SAMD3: variants seen among roughly 807,000 people sequenced by gnomAD.
SAMD3 encodes sterile alpha motif domain containing 3, also known as sterile alpha motif domain-containing protein 3.
A neutral mutation model predicts 58.5 loss-of-function variants in SAMD3; 63 were observed. That is an observed-to-expected ratio of 1.08 (90% CI 0.88 to 1.33). The LOEUF (loss-of-function observed/expected upper bound fraction) is 1.33. Among genes scored for constraint, SAMD3 ranks in the 40% most tolerant of loss-of-function variants. SAMD3 has a pLI of 0.00. For missense variants in SAMD3, 604 were observed against 608.4 expected, an observed-to-expected ratio of 0.99 and a Z score of 0.08; for synonymous variants, 220 against 210.3, an observed-to-expected ratio of 1.05 and a Z score of -0.40.
intron 7 of SAMD3, among the ~76,000 whole-genome samples, chr6:130,178,382 G>GAA (rs578242227): frequency 0.04 from 5,681 of 141,886 alleles, 155 homozygotes; most frequent in Non-Finnish European, 0.062. Flanking sequence ...GCGGGGAAGG[G>GAA]AAAAAAAAAA....
chr6:130,344,245 T>C (rs539868658), intron 1 of SAMD3, among the ~76,000 whole-genome samples: 19 of 152,358 alleles, frequency 1.2e-4, no homozygotes, highest in Non-Finnish European at 1.9e-4. Context: ...CCCAGTGTTT[T>C]TCCTACATGT....
Position 130,146,156 on chromosome 6 carries a change from G to C in SAMD3, c.1049C>G (p.Thr350Arg). The C allele has an allele frequency of 6.3e-7, 1 of 1,586,844 alleles. No homozygotes were observed. The highest frequency in any genetic ancestry group is 8.6e-7 in the Non-Finnish European group (1 of 1,168,216). ...TGTTTTCTTATAAATATCTGTTCTT[G>C]TAAGAAGTTGGAATTCTCTGAACAT... The part of the protein sequence containing the change: ...YQMFREFQLL[T>R]RTDIYKKTRH... Residue 350 changes from threonine (T) to arginine (R), a missense_variant, in exon 10 of 12, where the codon ACA becomes AGA. Physicochemically the swap from Thr to Arg is moderately conservative, Grantham distance 71. Coordinates refer to ENST00000439090, the MANE Select transcript of SAMD3 (RefSeq NM_001017373.4).
intron 1 of SAMD3, among the ~76,000 whole-genome samples, chr6:130,217,355 A>T (rs1796058008): frequency 6.6e-6 from 1 of 152,214 alleles, no homozygotes; most frequent in South Asian, 2.1e-4. Context: ...AAACATACGA[A>T]AATATTTCAA....
At chr6:130,265,223 C>T (rs1774298048) in intron 2 of SAMD3, among the ~76,000 whole-genome samples, 1 of 152,234 alleles carries the variant, frequency 6.6e-6, no homozygotes, top group Non-Finnish European at 1.5e-5. Context: ...TTGAACATAA[C>T]TGTGTAGAGG....
chr6:130,148,027 A>G (rs900754794), intron 9 of SAMD3, among the ~76,000 whole-genome samples: 3 of 152,228 alleles, frequency 2.0e-5, no homozygotes, highest in African/African-American at 4.8e-5. Flanking sequence ...TTTTCCACGT[A>G]AAATTAATAT....
chr6:130,300,609 T>G (rs1775713436), intron 2 of SAMD3, among the ~76,000 whole-genome samples: 1 of 152,142 alleles, frequency 6.6e-6, no homozygotes, highest in Non-Finnish European at 1.5e-5. Context: ...TTCAACATAG[T>G]ACTGAAAGTT....
intron 2 of SAMD3, among the ~76,000 whole-genome samples, chr6:130,269,154 G>A (rs77067531): frequency 0.025 from 3,834 of 152,224 alleles, 67 homozygotes; most frequent in Non-Finnish European, 0.04. Flanking sequence ...TTAGGTTGAG[G>A]TTCTTTTATT....
At chr6:130,183,986 G>A (rs1792665941) in intron 7 of SAMD3, 117 bp downstream of exon 7, 13 of 710,048 alleles carry the variant, frequency 1.8e-5, no homozygotes, top group Admixed American at 1.5e-4. Context: ...GACAGAATGA[G>A]AGAGAGAGAG....
chr6:130,313,467 C>T (rs1776255689), intron 1 of SAMD3, among the ~76,000 whole-genome samples: 1 of 152,152 alleles, frequency 6.6e-6, no homozygotes, highest in Admixed American at 6.5e-5. Flanking sequence ...ACCACTGACT[C>T]CTTAAGGAAT....
At chr6:130,285,663 G>T (rs1849527) in intron 2 of SAMD3, among the ~76,000 whole-genome samples, 47,126 of 152,104 alleles carry the variant, frequency 0.31, 7,556 homozygotes, top group East Asian at 0.47. Flanking sequence ...CGATAAGCAT[G>T]TATTTTGTAA....
intron 1 of SAMD3, among the ~76,000 whole-genome samples, chr6:130,317,644 A>G (rs549521087): frequency 7.9e-4 from 121 of 152,324 alleles, no homozygotes; most frequent in African/African-American, 2.2e-3. Flanking sequence ...CTAAAAATGC[A>G]CTTTTAATTT....
At chr6:130,365,839 C>A, upstream of SAMD3, 1 of 985,600 alleles carries the variant, frequency 1.0e-6, no homozygotes, top group Non-Finnish European at 1.2e-6. Flanking sequence ...ATCCTGTCTG[C>A]GTCCTCCAGG....
chr6:130,246,799 G>C (rs1224123060), intron 2 of SAMD3, among the ~76,000 whole-genome samples: 1 of 152,166 alleles, frequency 6.6e-6, no homozygotes, highest in African/African-American at 2.4e-5. Flanking sequence ...TAAGGCAGGA[G>C]AATGGTTTGA....
intron 8 of SAMD3, among the ~76,000 whole-genome samples, chr6:130,163,992 C>A (rs993426114): frequency 2.0e-5 from 3 of 151,298 alleles, no homozygotes; most frequent in Middle Eastern, 6.9e-3. Context: ...TAATTTAACA[C>A]CTGGTAGTTT....
intron 2 of SAMD3, among the ~76,000 whole-genome samples, chr6:130,263,840 C>T (rs903946655): frequency 3.3e-5 from 5 of 152,082 alleles, no homozygotes; most frequent in Non-Finnish European, 7.3e-5. Flanking sequence ...ACCCCAGTGC[C>T]GACCAGGAGT....
At chr6:130,358,208 G>A (rs748466448) in intron 1 of SAMD3, among the ~76,000 whole-genome samples, 1 of 152,116 alleles carries the variant, frequency 6.6e-6, no homozygotes, top group Non-Finnish European at 1.5e-5. Context: ...GCCTTTTTCT[G>A]TGTTTTGAAG....
intron 1 of SAMD3, among the ~76,000 whole-genome samples, chr6:130,351,113 C>T (rs1777646434): frequency 6.6e-6 from 1 of 152,016 alleles, no homozygotes; most frequent in Non-Finnish European, 1.5e-5. Context: ...GACCTAAAAC[C>T]ATAAAAACCC....
At chr6:130,194,510 T>G (rs973241608) in intron 5 of SAMD3, among the ~76,000 whole-genome samples, 16 of 152,228 alleles carry the variant, frequency 1.1e-4, no homozygotes, top group African/African-American at 7.2e-5. Flanking sequence ...TTGCCTCCAC[T>G]GTGAGACAAA....
At chr6:130,299,700 T>G (rs1012830369) in intron 2 of SAMD3, among the ~76,000 whole-genome samples, 1 of 152,008 alleles carries the variant, frequency 6.6e-6, no homozygotes, top group African/African-American at 2.4e-5. Flanking sequence ...TAAACAAAAT[T>G]GATAGATTGT....
Sources: gnomAD v4.1 joint callset for allele counts (sites outside exome capture counted in the v4.1 genomes callset) on GRCh38, gnomAD v4.1.1 for gene constraint, MANE v1.5 for transcripts, NCBI Gene and HGNC (gene_info 2026-07-23, HGNC 2026-07-21) for gene names.